CSMD2: variants seen among roughly 807,000 people sequenced by gnomAD.
The protein encoded by CSMD2 is CUB and sushi domain-containing protein 2.
A neutral mutation model predicts 398.5 loss-of-function variants in CSMD2; 130 were observed. The ratio of observed to expected loss-of-function variants is 0.33; its 90% CI spans 0.28 to 0.38. CSMD2 has a LOEUF of 0.38. Ranked by LOEUF, CSMD2 falls within the 10% of genes least tolerant of loss-of-function variation. The probability of loss-of-function intolerance (pLI) is 1.00; values close to 1 mark genes in which losing one functional copy is unlikely to be tolerated. For missense variants in CSMD2, 3,829 were observed against 4,764.9 expected (o/e 0.80, Z 5.78); for synonymous variants, 1,828 against 1,908.5 (o/e 0.96, Z 1.10).
At chr1:33,844,725 A>G (rs1661193040) in intron 6 of CSMD2, among the ~76,000 whole-genome samples, 1 of 152,234 alleles carries the variant, frequency 6.6e-6, no homozygotes. Context: ...GGGACGGGTA[A>G]TAGTATCTCC....
intron 3 of CSMD2, among the ~76,000 whole-genome samples, chr1:34,020,574 G>A (rs570520794): frequency 3.9e-5 from 6 of 152,294 alleles, no homozygotes; most frequent in African/African-American, 1.2e-4. Context: ...AGGGGTAGGC[G>A]AGTGGGGCAG....
At chr1:33,885,062 A>T (rs1180499313) in intron 5 of CSMD2, 1 of 152,212 alleles carries the variant, frequency 6.6e-6, no homozygotes, top group Non-Finnish European at 1.5e-5. Flanking sequence ...GTTCACATTA[A>T]ATTCCTCATT....
At chr1:33,967,610 G>T (rs532151077) in intron 3 of CSMD2, among the ~76,000 whole-genome samples, 5 of 152,260 alleles carry the variant, frequency 3.3e-5, no homozygotes, top group Middle Eastern at 3.4e-3. Flanking sequence ...GAGGTATCAT[G>T]AAAAACAATA....
rs139226114 is a variant in CSMD2 at position 34,067,298 on chromosome 1, A to C, written c.404+21679T>G. Among the ~76,000 whole-genome samples the C allele has an allele frequency of 3.7e-4, 57 of 152,368 alleles. 1 individual carries two copies. The East Asian group carries it at 0.011, about 29-fold the overall frequency. On this transcript the variant is annotated intron_variant, in intron 2 of 70. Coordinates refer to ENST00000373381, the MANE Select transcript of CSMD2 (RefSeq NM_001281956.2). ...AGAGCATTATTTGCAAATGATAAACAGACATGGGCACAGATTTAAACATGT... is the reference window on the plus strand; with the variant it reads ...AGAGCATTATTTGCAAATGATAAACCGACATGGGCACAGATTTAAACATGT...
chr1:33,707,296 G>T (rs1339425611), intron 22 of CSMD2, among the ~76,000 whole-genome samples: 1 of 152,166 alleles, frequency 6.6e-6, no homozygotes, highest in Non-Finnish European at 1.5e-5. Context: ...GGCTTTTTGT[G>T]CTAATGGCCT....
rs1553244524 is a variant in CSMD2, at chr1:33,888,756, T to TTTTTTTTTTTGTTG, written c.920+29337_920+29338insCAACAAAAAAAAAA. Among the ~76,000 whole-genome samples, 525 of 148,916 alleles carry TTTTTTTTTTTGTTG rather than the reference T, an allele frequency of 3.5e-3. 4 individuals are homozygous for TTTTTTTTTTTGTTG. Among genetic ancestry groups the TTTTTTTTTTTGTTG allele is most frequent in the African/African-American group, 0.012 (499 of 40,246 alleles). ...GATCAAATCAGGAGATCAACTGATTTTTGTTGTTGTTGTTGTTGTTGTTGT... is the reference window on the plus strand; with the variant it reads ...GATCAAATCAGGAGATCAACTGATTTTTTTTTTTTTGTTGTTGTTGTTGTTGTTGTTGTTGTTGT... On this transcript the variant is annotated intron_variant, in intron 5 of 70. Transcript: ENST00000373381.
intron 47 of CSMD2, 134 bp downstream of exon 47, chr1:33,583,508 G>T: frequency 1.2e-6 from 1 of 851,132 alleles, no homozygotes. Context: ...CCTTGGGGTT[G>T]CTGTGGTAGG....
chr1:33,889,014 C>T (rs1412639389), intron 5 of CSMD2, among the ~76,000 whole-genome samples: 4 of 152,140 alleles, frequency 2.6e-5, no homozygotes, highest in Admixed American at 2.0e-4. Flanking sequence ...TTGTGATCCG[C>T]CCACCTTAGC....
intron 3 of CSMD2, among the ~76,000 whole-genome samples, chr1:34,010,545 CAA>C (rs1647218894): frequency 1.3e-5 from 2 of 152,050 alleles, no homozygotes; most frequent in African/African-American, 4.8e-5. Context: ...AGGGTGTAAC[CAA>C]TGGAGCTGGA....
At chr1:34,122,574 C>A (rs1662303490) in intron 1 of CSMD2, among the ~76,000 whole-genome samples, 1 of 152,150 alleles carries the variant, frequency 6.6e-6, no homozygotes, top group Non-Finnish European at 1.5e-5. Context: ...TTTCATAGAA[C>A]CTCCTCCCAC....
intron 1 of CSMD2, among the ~76,000 whole-genome samples, chr1:34,090,411 G>A (rs1415935877): frequency 6.6e-6 from 1 of 151,980 alleles, no homozygotes; most frequent in Non-Finnish European, 1.5e-5. Context: ...CTCCGATTTG[G>A]GGGACTTCCC....
At chr1:33,527,392 C>T (rs964301670) in intron 64 of CSMD2, 134 bp from the exon 65 acceptor site, 1 of 652,478 alleles carries the variant, frequency 1.5e-6, no homozygotes, top group Non-Finnish European at 2.7e-6. Flanking sequence ...TTTTTTTAGA[C>T]CAGGAGGTAG....
intron 31 of CSMD2, among the ~76,000 whole-genome samples, chr1:33,634,957 G>C (rs568829602): frequency 6.6e-6 from 1 of 152,190 alleles, no homozygotes; most frequent in Admixed American, 6.5e-5. Flanking sequence ...CCTTCCCTCT[G>C]TCTTGGCCAG....
At chr1:34,088,117 T>C (rs1394859297) in intron 2 of CSMD2, among the ~76,000 whole-genome samples, 1 of 152,234 alleles carries the variant, frequency 6.6e-6, no homozygotes, top group Non-Finnish European at 1.5e-5. Flanking sequence ...GAGATGCATC[T>C]TAAACAAAGC....
At position 33,995,935 on chromosome 1, in the gene CSMD2, C is replaced by A. The variant is rs541968093; in HGVS notation, c.517+36659G>T. On this transcript the variant is annotated intron_variant, in intron 3 of 70. Coordinates refer to ENST00000373381, the MANE Select transcript of CSMD2 (RefSeq NM_001281956.2). ...TGTGCACACCCTGGTGCTGATGCAC[C>A]CCTCGCTGAGGTCACTTTGTGGGAA... 9.9e-5 allele frequency among the ~76,000 whole-genome samples: 15 copies of A among 152,272 alleles called. No homozygotes were observed. In the South Asian group the frequency reaches 3.1e-3, roughly 32 times the overall value.
At chr1:33,707,685 G>A (rs1015716026) in intron 22 of CSMD2, among the ~76,000 whole-genome samples, 13 of 41,694 alleles carry the variant, frequency 3.1e-4, no homozygotes, top group East Asian at 2.0e-3. Flanking sequence ...GCGTGCACAC[G>A]CGCGCGCGCG....
In CSMD2 at chr1:34,164,290, T is replaced by C. The variant is rs1054666302; in HGVS notation, c.187+621A>G. On this transcript the variant is annotated intron_variant, in intron 1 of 70. Coordinates refer to ENST00000373381, the MANE Select transcript of CSMD2 (RefSeq NM_001281956.2). This position sits in a 1 kb window ranked among gnomAD's most constrained non-coding sequence, Gnocchi z 6.2. ...CAAGGAATGCGCGGGACCCCCACCGTGGGCACGCGTCCACCTGAACCCCCT... is the reference window on the plus strand; with the variant it reads ...CAAGGAATGCGCGGGACCCCCACCGCGGGCACGCGTCCACCTGAACCCCCT... Among the ~76,000 whole-genome samples, 5 of 151,090 alleles carry C rather than the reference T, an allele frequency of 3.3e-5. No individual in the cohort carries two copies. Among genetic ancestry groups the C allele is most frequent in the African/African-American group, 4.9e-5 (2 of 41,202 alleles).
chr1:33,898,997 T>C (rs1316147777), intron 5 of CSMD2, among the ~76,000 whole-genome samples: 1 of 152,184 alleles, frequency 6.6e-6, no homozygotes, highest in Non-Finnish European at 1.5e-5. Context: ...GGGCTGTCAT[T>C]GCCCGGAGAC....
rs145497981 is a variant in CSMD2 at position 33,778,836 on chromosome 1, G to A, written c.1664-6085C>T. 2.2e-4 allele frequency among the ~76,000 whole-genome samples: 33 copies of A among 152,248 alleles called. No homozygotes were observed. In the East Asian group the frequency reaches 6.4e-3, roughly 29 times the overall value. On this transcript the variant is annotated intron_variant, in intron 12 of 70. Coordinates refer to ENST00000373381, the MANE Select transcript of CSMD2 (RefSeq NM_001281956.2). ...CTCAAGCCTCTGGCTGGGAGCGCTG[G>A]ACAGGTTTCTTACAGGTTGTTCAAA...
Sources: gnomAD v4.1 joint callset for allele counts (sites outside exome capture counted in the v4.1 genomes callset) on GRCh38, gnomAD v4.1.1 for gene constraint, Gnocchi (gnomAD v3.1) non-coding constraint, MANE v1.5 for transcripts, NCBI Gene and HGNC (gene_info 2026-07-23, HGNC 2026-07-21) for gene names.